TSPAN5: variants seen among roughly 807,000 people sequenced by gnomAD.
TSPAN5 encodes the protein tetraspanin-5.
In TSPAN5, 10 loss-of-function variants were observed where a neutral mutation model predicts 37.1. The ratio of observed to expected loss-of-function variants is 0.27; its 90% confidence interval spans 0.17 to 0.46. The LOEUF (loss-of-function observed/expected upper bound fraction) is 0.46, where lower values mean the gene tolerates loss of function less well. Ranked by LOEUF, TSPAN5 falls within the 20% of genes least tolerant of loss-of-function variation. The pLI is 1.00. For missense variants in TSPAN5, 195 were observed against 326.6 expected, an observed-to-expected ratio of 0.60 and a Z score of 3.11; for synonymous variants, 110 against 118.9, an observed-to-expected ratio of 0.93 and a Z score of 0.48.
At chr4:98,494,861 A>T (rs1396379917) in intron 2 of TSPAN5, among the ~76,000 whole-genome samples, 1 of 152,074 alleles carries the variant, frequency 6.6e-6, no homozygotes, top group Non-Finnish European at 1.5e-5. Flanking sequence ...TGTTAATAAG[A>T]TCTTCTTTTG....
rs1449383539 is a variant in TSPAN5 at position 98,592,898 on chromosome 4, A to T, written c.81+65248T>A. 2.7e-4 allele frequency among the ~76,000 whole-genome samples: 40 copies of T among 146,296 alleles called. 1 individual carries two copies. The highest frequency in any genetic ancestry group is 9.6e-4 in the African/African-American group (38 of 39,564). Reference sequence around the variant, plus strand: ...TTGTGAATAGTGCCGCAATAAACATACGTGTGCATGTGTCTTTATAGCAGC... The same window carrying T: ...TTGTGAATAGTGCCGCAATAAACATTCGTGTGCATGTGTCTTTATAGCAGC... On this transcript the variant is annotated intron_variant, in intron 1 of 7. Transcript: ENST00000305798.
At chr4:98,558,145 C>A (rs533792898) in intron 1 of TSPAN5, among the ~76,000 whole-genome samples, 1 of 148,984 alleles carries the variant, frequency 6.7e-6, no homozygotes, top group African/African-American at 2.5e-5. Flanking sequence ...AATACTTGTT[C>A]CCCGGTGACG....
At chr4:98,491,016 C>G (rs1018418429) in intron 2 of TSPAN5, among the ~76,000 whole-genome samples, 1 of 151,754 alleles carries the variant, frequency 6.6e-6, no homozygotes, top group Non-Finnish European at 1.5e-5. Flanking sequence ...GAGCCGATAT[C>G]GCACCACTGC....
intron 4 of TSPAN5, 121 bp from the exon 5 acceptor site, chr4:98,478,931 T>G: frequency 8.1e-7 from 1 of 1,236,834 alleles, no homozygotes; most frequent in Non-Finnish European, 1.1e-6. Flanking sequence ...TCCTAGACTT[T>G]ATTTTTAAGC....
intron 1 of TSPAN5, among the ~76,000 whole-genome samples, chr4:98,657,158 C>T (rs1757309553): frequency 6.6e-6 from 1 of 152,168 alleles, no homozygotes; most frequent in Non-Finnish European, 1.5e-5. Flanking sequence ...TCCTGGAGAA[C>T]TCTTTGTCTG....
At chr4:98,590,527 G>A (rs1189785335) in intron 1 of TSPAN5, among the ~76,000 whole-genome samples, 11 of 151,992 alleles carry the variant, frequency 7.2e-5, no homozygotes, top group African/African-American at 2.2e-4. Context: ...TGGCTAACAC[G>A]CTGAAACCCC....
chr4:98,499,269 C>G (rs961376162), intron 2 of TSPAN5, among the ~76,000 whole-genome samples: 1 of 152,240 alleles, frequency 6.6e-6, no homozygotes, highest in Non-Finnish European at 1.5e-5. Flanking sequence ...GGCCAGGGGC[C>G]AGAAGGAGGA....
At chr4:98,584,222 T>C (rs1022017801) in intron 1 of TSPAN5, among the ~76,000 whole-genome samples, 3 of 152,220 alleles carry the variant, frequency 2.0e-5, no homozygotes, top group Non-Finnish European at 2.9e-5. Flanking sequence ...ACTACAGGTG[T>C]GTGCCACCAC....
chr4:98,606,190 C>T (rs1756034846), intron 1 of TSPAN5, among the ~76,000 whole-genome samples: 1 of 152,204 alleles, frequency 6.6e-6, no homozygotes, highest in Non-Finnish European at 1.5e-5. Flanking sequence ...GTGATGCAGT[C>T]ACAGAGCAAA....
intron 1 of TSPAN5, among the ~76,000 whole-genome samples, chr4:98,639,159 AG>A (rs1254453283): frequency 6.6e-6 from 1 of 152,224 alleles, no homozygotes; most frequent in Non-Finnish European, 1.5e-5. Flanking sequence ...TCCCAAACTT[AG>A]ATGACTATCC....
chr4:98,648,976 G>T (rs1757125563), intron 1 of TSPAN5, among the ~76,000 whole-genome samples: 2 of 152,202 alleles, frequency 1.3e-5, no homozygotes, highest in Admixed American at 1.3e-4. Context: ...CATGCATAAA[G>T]GGGTGAAATA....
chr4:98,547,381 A>G (rs1024579115), intron 1 of TSPAN5, among the ~76,000 whole-genome samples: 1 of 152,228 alleles, frequency 6.6e-6, no homozygotes, highest in East Asian at 1.9e-4. Context: ...AGCCGGCAGA[A>G]AATTGCCAGC....
intron 7 of TSPAN5, among the ~76,000 whole-genome samples, chr4:98,474,719 G>A (rs1752657816): frequency 1.3e-5 from 2 of 151,992 alleles, no homozygotes; most frequent in Non-Finnish European, 2.9e-5. Context: ...TGTCACCCAG[G>A]TTAGAGTGCA....
chr4:98,622,445 G>A (rs1365627474), intron 1 of TSPAN5, among the ~76,000 whole-genome samples: 2 of 152,200 alleles, frequency 1.3e-5, no homozygotes, highest in Admixed American at 1.3e-4. Context: ...GGGTAAAACT[G>A]ATGAGTCATA....
chr4:98,608,080 T>C (rs1756083145), intron 1 of TSPAN5, among the ~76,000 whole-genome samples: 1 of 152,168 alleles, frequency 6.6e-6, no homozygotes, highest in African/African-American at 2.4e-5. Flanking sequence ...AAAAAATAAG[T>C]TTAATGTTAG....
rs761405300 is a variant in TSPAN5 at position 98,544,248 on chromosome 4, C to T, written c.82-36520G>A. ...TTCCTAATTTAATTAGCAAGCTAAA[C>T]ATATCTTGCACATGGCAGACGTAAG... On this transcript the variant is annotated intron_variant, in intron 1 of 7. Transcript: ENST00000305798. 5.7e-4 allele frequency among the ~76,000 whole-genome samples: 87 copies of T among 152,308 alleles called. 1 individual carries two copies. In the Middle Eastern group the frequency reaches 0.01, roughly 18 times the overall value.
At position 98,513,660 on chromosome 4, in the gene TSPAN5, C is replaced by T. The variant is rs546702908; in HGVS notation, c.82-5932G>A. On this transcript the variant is annotated intron_variant, in intron 1 of 7. Transcript: ENST00000305798. ...TTCCAAAGACTTACATCCCCTCTGA[C>T]AGAAGTTATTCTCAGGTGCCAATTT... Among the ~76,000 whole-genome samples, 10 of 152,180 alleles carry T rather than the reference C, an allele frequency of 6.6e-5. 1 individual carries two copies. The highest frequency in any genetic ancestry group is 5.2e-4 in the Admixed American group (8 of 15,278).
intron 1 of TSPAN5, among the ~76,000 whole-genome samples, chr4:98,624,844 T>C (rs944384139): frequency 2.0e-5 from 3 of 152,176 alleles, no homozygotes; most frequent in Non-Finnish European, 4.4e-5. Context: ...GTTACATAAG[T>C]GATGGCAGCC....
intron 1 of TSPAN5, among the ~76,000 whole-genome samples, chr4:98,519,495 G>C (rs1287297518): frequency 6.6e-6 from 1 of 151,658 alleles, no homozygotes; most frequent in Non-Finnish European, 1.5e-5. Flanking sequence ...GAGTCTGTTA[G>C]AAAGGAAAGG....
Sources: gnomAD v4.1 joint callset for allele counts (sites outside exome capture counted in the v4.1 genomes callset) on GRCh38, gnomAD v4.1.1 for gene constraint, MANE v1.5 for transcripts, NCBI Gene and HGNC (gene_info 2026-07-23, HGNC 2026-07-21) for gene names.